Variants in SRRM4 observed in about 807,000 individuals in gnomAD.
The protein encoded by SRRM4 is serine/arginine repetitive matrix 4.
A neutral mutation model predicts 68.9 loss-of-function variants in SRRM4; 33 were observed. That is an observed-to-expected ratio of 0.48 (90% confidence interval 0.36 to 0.64). The LOEUF is 0.64. Among genes scored for constraint, SRRM4 ranks in the 30% least tolerant of loss-of-function variants. The pLI is 0.00. For synonymous variants in SRRM4, 318 were observed against 318.8 expected (o/e 1.00, Z 0.03); for missense variants, 817 against 827.1 (o/e 0.99, Z 0.15).
chr12:119,130,409 A>AGATGGATGGATGGATGGATG (rs71069491), intron 7 of SRRM4, among the ~76,000 whole-genome samples: 1 of 142,422 alleles, frequency 7.0e-6, no homozygotes, highest in Admixed American at 6.8e-5. Flanking sequence ...TTGCTTAGAC[A>AGATGGATGGATGGATGGATG]GATGGATGGA....
intron 10 of SRRM4, among the ~76,000 whole-genome samples, chr12:119,152,881 T>C (rs143625066): frequency 3.3e-5 from 5 of 152,290 alleles, no homozygotes; most frequent in Non-Finnish European, 7.4e-5. Flanking sequence ...CACAACAATA[T>C]AGTCTACAAA....
intron 1 of SRRM4, among the ~76,000 whole-genome samples, chr12:118,991,528 G>A (rs564899130): frequency 6.6e-6 from 1 of 152,360 alleles, no homozygotes; most frequent in South Asian, 2.1e-4. Flanking sequence ...GAGGCCTCAT[G>A]AGGAGAGGGA....
chr12:119,005,642 G>T (rs761408913), intron 1 of SRRM4, among the ~76,000 whole-genome samples: 13 of 152,068 alleles, frequency 8.5e-5, no homozygotes, highest in Non-Finnish European at 1.9e-4. Context: ...TAGAGCTAAC[G>T]GTGAAACCTA....
intron 1 of SRRM4, among the ~76,000 whole-genome samples, chr12:119,085,540 G>A (rs1870223738): frequency 6.6e-6 from 1 of 152,236 alleles, no homozygotes; most frequent in Admixed American, 6.5e-5. Flanking sequence ...TGGTGAGTGA[G>A]AAGCAGCTGA....
intron 8 of SRRM4, among the ~76,000 whole-genome samples, chr12:119,132,148 C>T (rs754245906): frequency 2.0e-5 from 3 of 152,220 alleles, no homozygotes; most frequent in Non-Finnish European, 4.4e-5. Context: ...TCTGTGGTTA[C>T]TGAGTCCTTG....
At chr12:119,136,947 G>A (rs975010201) in intron 8 of SRRM4, among the ~76,000 whole-genome samples, 2 of 151,982 alleles carry the variant, frequency 1.3e-5, no homozygotes, top group African/African-American at 4.8e-5. Context: ...CACAATGCCC[G>A]GCACATCTCC....
chr12:119,025,428 G>GT (rs74903455), intron 1 of SRRM4, among the ~76,000 whole-genome samples: 66,310 of 148,318 alleles, frequency 0.45, 15,324 homozygotes, highest in East Asian at 0.53. Flanking sequence ...CATATATGGA[G>GT]TTTTTTTTTT....
intron 1 of SRRM4, among the ~76,000 whole-genome samples, chr12:119,074,428 T>A (rs190219999): frequency 1.3e-5 from 2 of 152,330 alleles, no homozygotes; most frequent in Admixed American, 1.3e-4. Flanking sequence ...AAAAGATTAT[T>A]GCCCAACTTA....
chr12:119,036,875 A>G (rs765925777), intron 1 of SRRM4: 1 of 151,720 alleles, frequency 6.6e-6, no homozygotes, highest in Non-Finnish European at 1.5e-5. Context: ...CAGTCCCACC[A>G]CCCCGACTCG....
In SRRM4 at chr12:119,043,662, T is replaced by C. The variant is rs527465287; in HGVS notation, c.132-58574T>C. 1.4e-4 allele frequency among the ~76,000 whole-genome samples: 21 copies of C among 150,648 alleles called. 1 individual carries two copies. The East Asian group carries it at 4.1e-3, about 30-fold the overall frequency. ...CAGAGCAATAGATGTGGAGAGACAA[T>C]GAGAGACAAAAACAAAGAAAGGACA... On this transcript the variant is annotated intron_variant, in intron 1 of 12. Transcript: ENST00000267260.
chr12:119,006,466 A>G (rs1181848764), intron 1 of SRRM4, among the ~76,000 whole-genome samples: 1 of 152,184 alleles, frequency 6.6e-6, no homozygotes, highest in African/African-American at 2.4e-5. Flanking sequence ...TAGAGCCAGG[A>G]TTTGAACCCA....
At chr12:119,009,060 C>T (rs1031704814) in intron 1 of SRRM4, among the ~76,000 whole-genome samples, 1 of 140,164 alleles carries the variant, frequency 7.1e-6, no homozygotes, top group Non-Finnish European at 1.6e-5. Flanking sequence ...CACACACGCT[C>T]ACACACATAC....
intron 1 of SRRM4, among the ~76,000 whole-genome samples, chr12:119,024,354 T>A (rs557431319): frequency 6.2e-4 from 95 of 152,312 alleles, no homozygotes; most frequent in African/African-American, 2.3e-3. Flanking sequence ...TCTGTGTAGT[T>A]ACCAAAGGTG....
rs1020103934 is a variant in SRRM4 at position 119,156,561 on chromosome 12, C to T, written c.1599C>T (p.Thr533=). Residue 533 remains threonine (T), a synonymous_variant, in exon 13 of 13, where the codon ACC becomes ACT. Coordinates refer to ENST00000267260, the MANE Select transcript of SRRM4 (RefSeq NM_194286.4). ...CCTCATCCGGCAGCCTCAGCAGCAC[C>T]TCCTCCTGGTACAGCAGCAGCAGTA... is the stretch of plus-strand genomic sequence containing the variant. The part of the protein sequence containing the change: ...SPSSSGSLSS[T]SSWYSSSSSR... 1.2e-6 allele frequency: 2 copies of T among 1,611,658 alleles called. No homozygotes were observed.
intron 1 of SRRM4, among the ~76,000 whole-genome samples, chr12:119,014,699 G>C (rs1953470540): frequency 6.6e-6 from 1 of 152,182 alleles, no homozygotes. Context: ...GAGGTAAGAA[G>C]GGAGGTACAG....
chr12:119,107,035 G>T (rs1024664249), intron 2 of SRRM4, among the ~76,000 whole-genome samples: 11 of 152,120 alleles, frequency 7.2e-5, no homozygotes, highest in African/African-American at 2.7e-4. Context: ...GTTGAATTTT[G>T]TCAAAGGCCT....
intron 1 of SRRM4, among the ~76,000 whole-genome samples, chr12:119,101,583 G>A (rs12829158): frequency 0.7 from 105,473 of 151,716 alleles, 37,088 homozygotes; most frequent in African/African-American, 0.78. Flanking sequence ...ACAATAGCTC[G>A]GAAATACATG....
rs191126343 is a variant in SRRM4, at chr12:119,036,062, T to G, written c.131+54049T>G. On this transcript the variant is annotated intron_variant, in intron 1 of 12. Coordinates refer to ENST00000267260, the MANE Select transcript of SRRM4 (RefSeq NM_194286.4). Reference sequence around the variant, plus strand: ...TCAAAGAGTCAGGTGCTTGGAGAGATAAGAGATAGATGGAGCCAATGATAT... The same window carrying G: ...TCAAAGAGTCAGGTGCTTGGAGAGAGAAGAGATAGATGGAGCCAATGATAT... 1.6e-4 allele frequency among the ~76,000 whole-genome samples: 24 copies of G among 152,314 alleles called. 1 individual carries two copies. Among genetic ancestry groups the G allele is most frequent in the African/African-American group, 5.5e-4 (23 of 41,574 alleles).
In SRRM4 at chr12:118,991,379, C is replaced by T. The variant is rs558201085; in HGVS notation, c.131+9366C>T. Among the ~76,000 whole-genome samples the T allele has an allele frequency of 6.2e-4, 95 of 152,328 alleles. 1 individual carries two copies. The highest frequency in any genetic ancestry group is 2.1e-3 in the African/African-American group (89 of 41,568). On this transcript the variant is annotated intron_variant, in intron 1 of 12. Coordinates refer to ENST00000267260, the MANE Select transcript of SRRM4 (RefSeq NM_194286.4). Reference sequence around the variant, plus strand: ...GAGCTCAGAGGAAATGCTGTTTCCTCGGGGATCCTTCCAGAATGCTGCAGA... The same window carrying T: ...GAGCTCAGAGGAAATGCTGTTTCCTTGGGGATCCTTCCAGAATGCTGCAGA...
Sources: gnomAD v4.1 joint callset for allele counts (sites outside exome capture counted in the v4.1 genomes callset) on GRCh38, gnomAD v4.1.1 for gene constraint, MANE v1.5 for transcripts, NCBI Gene and HGNC (gene_info 2026-07-23, HGNC 2026-07-21) for gene names.